RBM5: variants seen among roughly 807,000 people sequenced by gnomAD.
The protein encoded by RBM5 is RNA binding motif protein 5, also known as RNA-binding protein 5.
A neutral mutation model predicts 124.6 loss-of-function variants in RBM5; 15 were observed. The observed-to-expected ratio is 0.12, with a 90% confidence interval of 0.08 to 0.19. The LOEUF (loss-of-function observed/expected upper bound fraction) is 0.19, where lower values mean the gene tolerates loss of function less well. Among genes scored for constraint, RBM5 ranks in the 10% least tolerant of loss-of-function variants. The pLI, the probability that RBM5 is intolerant of heterozygous loss-of-function variation, is 1.00. For synonymous variants in RBM5, 337 were observed against 361.2 expected, an observed-to-expected ratio of 0.93 and a Z score of 0.76; for missense variants, 580 against 1,026.5, an observed-to-expected ratio of 0.57 and a Z score of 5.94.
chr3:50,110,601 G>C, intron 16 of RBM5, 78 bp from the exon 17 acceptor site: 7 of 1,451,436 alleles, frequency 4.8e-6, no homozygotes, highest in Non-Finnish European at 6.7e-6. Context: ...TAGGCCTGCT[G>C]CATCTCACTG....
At chr3:50,090,331 G>T in intron 1 of RBM5, 51 bp from the exon 2 acceptor site, 1 of 1,305,620 alleles carries the variant, frequency 7.7e-7, no homozygotes, top group South Asian at 1.3e-5. Context: ...TGGAGCTGCT[G>T]ACTTAAGTGA....
At chr3:50,110,994 C>T in intron 17 of RBM5, 1 of 524,334 alleles carries the variant, frequency 1.9e-6, no homozygotes, top group Non-Finnish European at 3.4e-6. Flanking sequence ...ATACACAAAA[C>T]AGAAATGTGC....
chr3:50,090,533 A>C, intron 2 of RBM5, 82 bp downstream of exon 2: 1 of 1,516,418 alleles, frequency 6.6e-7, no homozygotes, highest in South Asian at 1.2e-5. Context: ...TATCAAACTA[A>C]TATATGAGTG....
In RBM5 at chr3:50,118,331, G is replaced by C. The variant is rs1200082740; in HGVS notation, c.2323G>C (p.Ala775Pro). ...KCQGITAPIE[A>P]QVRLKGAGLG... Reference sequence around the variant, plus strand: ...GCTGACAGTCTCTGTGCTTTCCCAGGCTCAAGTTCGGCTAAAGGGAGCTGG... The same window carrying C: ...GCTGACAGTCTCTGTGCTTTCCCAGCCTCAAGTTCGGCTAAAGGGAGCTGG... The change falls in exon 25 of 25, where the codon GCT becomes CCT. Residue 775 changes from alanine (A) to proline (P), a missense_variant and splice_region_variant. This residue lies in a region of RBM5 where 234 missense variants were observed against 435.1 expected (regional missense o/e 0.54). Transcript: ENST00000347869. 21 of 1,613,960 alleles carry C rather than the reference G, an allele frequency of 1.3e-5. No homozygotes were observed. Among genetic ancestry groups the C allele is most frequent in the Non-Finnish European group, 1.7e-5 (20 of 1,180,002 alleles).
In RBM5 at chr3:50,110,768, C is replaced by A; in HGVS notation, c.1453C>A (p.Gln485Lys). 1 of 1,603,296 alleles carries A rather than the reference C, an allele frequency of 6.2e-7. No homozygotes were observed. The highest frequency in any genetic ancestry group is 8.5e-7 in the Non-Finnish European group (1 of 1,171,792). ...TTGLYYDPNS[Q>K]YYYNSLTQQY... ...AGGGCTCTATTATGACCCCAACTCG[C>A]AAGTAAATGTGCTGCTTTCCTCCTC... Residue 485 changes from glutamine (Q) to lysine (K), a missense_variant and splice_region_variant, in exon 17 of 25, where the codon CAA (glutamine) becomes AAA (lysine). By Grantham distance (53) the Gln-to-Lys change is moderately conservative. This residue lies in a region of RBM5 where 234 missense variants were observed against 435.1 expected (regional missense o/e 0.54). Transcript: ENST00000347869.
chr3:50,092,547 G>A (rs1222329992), intron 3 of RBM5, among the ~76,000 whole-genome samples: 1 of 144,600 alleles, frequency 6.9e-6, no homozygotes, highest in African/African-American at 2.6e-5. Context: ...GGGTGACAAA[G>A]CAAGACTCCA....
intron 4 of RBM5, chr3:50,099,772 G>T (rs1283555922): frequency 4.9e-6 from 2 of 405,756 alleles, no homozygotes; most frequent in African/African-American, 4.2e-5. Context: ...TGAGGCAGGA[G>T]AATTGCTTGA....
intron 10 of RBM5, among the ~76,000 whole-genome samples, chr3:50,106,118 ATTTTTTTTTTTTTTTTTTTTT>A (rs61297967): frequency 3.1e-5 from 1 of 32,704 alleles, no homozygotes; most frequent in Non-Finnish European, 6.0e-5. Flanking sequence ...ACGCCCAGCT[ATTTTTTTTTTTTTTTTTTTTT>A]TTTTTTTTTT....
At position 50,110,462 on chromosome 3, in the gene RBM5, T is replaced by C. The variant is rs776108955; in HGVS notation, c.1362T>C (p.Tyr454=). 4 of 1,613,248 alleles carry C rather than the reference T, an allele frequency of 2.5e-6. No homozygotes were observed. The Admixed American group carries it at 5.0e-5, about 20-fold the overall frequency. ...SPTGVVPGTK[Y]AVPDTSTYQY... is the part of the protein sequence containing the mutation. ...CTGGTGTAGTTCCTGGTACCAAATA[T>C]GGTAAGCCAAACCTCATGGGGCTGT... Residue 454 remains tyrosine (Y), a splice_region_variant and synonymous_variant, in exon 16 of 25, where the codon TAT becomes TAC. Transcript: ENST00000347869.
chr3:50,102,169 TCCTC>T (rs1229762286), intron 6 of RBM5: 1 of 151,826 alleles, frequency 6.6e-6, no homozygotes, highest in African/African-American at 2.4e-5. Flanking sequence ...CCACCCTTGA[TCCTC>T]CCACCCCCAA....
rs1275786883 is a variant in RBM5, at chr3:50,108,209, T to C, written c.1120-23T>C. ...GCAGAGTGTGTCTGAGAATAGCAGC[T>C]TTAATGGTGGACTTTTCTTCAGTAT... On this transcript the variant is annotated intron_variant, in intron 13 of 24. Coordinates refer to ENST00000347869, the MANE Select transcript of RBM5 (RefSeq NM_005778.4). The C allele has an allele frequency of 8.1e-6, 13 of 1,608,796 alleles. No individual in the cohort carries two copies. The South Asian group carries it at 1.2e-4, about 15-fold the overall frequency.
intron 24 of RBM5, 22 bp from the exon 25 acceptor site, chr3:50,118,309 G>A (rs1378318456): frequency 1.2e-6 from 2 of 1,613,730 alleles, no homozygotes; most frequent in Middle Eastern, 1.7e-4. Context: ...CCTCCCAGCT[G>A]ACAGTCTCTG....
At chr3:50,109,082 T>C (rs2091094358) in intron 14 of RBM5, among the ~76,000 whole-genome samples, 1 of 143,636 alleles carries the variant, frequency 7.0e-6, no homozygotes, top group African/African-American at 2.5e-5. Context: ...TTTTCTCTTC[T>C]TTTTTTTTTG....
At chr3:50,107,982 A>G (rs1425788365) in intron 12 of RBM5, 88 bp from the exon 13 acceptor site, 2 of 1,129,126 alleles carry the variant, frequency 1.8e-6, no homozygotes, top group Admixed American at 3.5e-5. Flanking sequence ...CACAGCGCCC[A>G]GCATCATGAG....
Position 50,118,537 on chromosome 3 carries a change from A to AGG in RBM5, c.*83_*84dup. On this transcript the variant is annotated 3_prime_UTR_variant, in exon 25 of 25. Coordinates refer to ENST00000347869, the MANE Select transcript of RBM5 (RefSeq NM_005778.4). ...TTCGCTGTTACCGCCTGTCTCTTTA[A>AGG]GGGCATGCCTTGTGCTGTTAATAGA... The AGG allele has an allele frequency of 6.5e-7, 1 of 1,529,468 alleles. No homozygotes were observed. Among genetic ancestry groups the AGG allele is most frequent in the African/African-American group, 1.4e-5 (1 of 73,324 alleles). The allele number at this position is 1,529,468 out of a possible 1,614,324, so 94.7% of individuals were successfully genotyped here. A position where few individuals can be genotyped will look rare whatever the true frequency, so the allele number is the denominator to read the frequency against.
At chr3:50,116,080 G>C in intron 22 of RBM5, 100 bp downstream of exon 22, 8 of 1,153,800 alleles carry the variant, frequency 6.9e-6, no homozygotes, top group African/African-American at 1.5e-5. Context: ...CAGGGTAGGA[G>C]GATTTGTCAT....
At chr3:50,094,005 T>A in intron 4 of RBM5, 130 bp downstream of exon 4, 1 of 1,004,538 alleles carries the variant, frequency 1.0e-6, no homozygotes. Flanking sequence ...CCAAAATGCT[T>A]GGGACCAGAA....
chr3:50,109,230 C>T (rs945262348), intron 14 of RBM5, among the ~76,000 whole-genome samples: 1 of 152,156 alleles, frequency 6.6e-6, no homozygotes, highest in African/African-American at 2.4e-5. Flanking sequence ...CCTGCCACCA[C>T]TCCCGGCTAA....
intron 4 of RBM5, among the ~76,000 whole-genome samples, chr3:50,094,534 C>A (rs1188820381): frequency 6.6e-6 from 1 of 152,152 alleles, no homozygotes; most frequent in Non-Finnish European, 1.5e-5. Flanking sequence ...CTCATTGTCA[C>A]CCAGTCTGGA....
Sources: gnomAD v4.1 joint callset for allele counts (sites outside exome capture counted in the v4.1 genomes callset) on GRCh38, gnomAD v4.1.1 for gene constraint, gnomAD v4.1.1 regional missense constraint, MANE v1.5 for transcripts, NCBI Gene and HGNC (gene_info 2026-07-23, HGNC 2026-07-21) for gene names.